TOP1MT: variants seen among roughly 807,000 people sequenced by gnomAD.
TOP1MT encodes the protein DNA topoisomerase I mitochondrial.
TOP1MT carries 80 observed loss-of-function variants against 73.9 expected under a neutral mutation model. The observed-to-expected ratio is 1.08, with a 90% CI of 0.90 to 1.30. The LOEUF (loss-of-function observed/expected upper bound fraction) is 1.30. TOP1MT is among the 50% of genes most tolerant of loss of function. The pLI is 0.00. For missense variants in TOP1MT, 815 were observed against 808.0 expected (o/e 1.01, Z -0.10); for synonymous variants, 338 against 326.4 (o/e 1.04, Z -0.38).
rs1438383845 is a variant in TOP1MT at position 143,321,632 on chromosome 8, A to G, written c.961-246T>C. On this transcript the variant is annotated intron_variant, in intron 7 of 13. Coordinates refer to ENST00000329245, the MANE Select transcript of TOP1MT (RefSeq NM_052963.3). ...CACGCACGCCACACGCACGCCACAC[A>G]CAGGCACGCCACACACAGGCACGCC... Among the ~76,000 whole-genome samples the G allele has an allele frequency of 4.1e-3, 153 of 36,906 alleles. 3 individuals are homozygous for G. Among genetic ancestry groups the G allele is most frequent in the Non-Finnish European group, 9.0e-3 (131 of 14,536 alleles). The allele number at this position is 36,906 out of a possible 152,430, so 24.2% of individuals were successfully genotyped here.
At chr8:143,323,731 CAT>C (rs1333856214) in intron 7 of TOP1MT, among the ~76,000 whole-genome samples, 1 of 92,346 alleles carries the variant, frequency 1.1e-5, no homozygotes, top group African/African-American at 3.3e-5. Context: ...GCCACACACA[CAT>C]GCACGCCACA....
intron 3 of TOP1MT, chr8:143,328,091 A>C (rs1816754131): frequency 2.7e-6 from 1 of 376,448 alleles, no homozygotes; most frequent in African/African-American, 2.1e-5. Flanking sequence ...CCTTCCAAAG[A>C]CATTGTTAAG....
At chr8:143,339,369 G>T (rs551124937), upstream of TOP1MT, among the ~76,000 whole-genome samples, 1 of 152,226 alleles carries the variant, frequency 6.6e-6, no homozygotes, top group East Asian at 1.9e-4. Context: ...TCGTGGCTGC[G>T]TACAGGACAC....
At chr8:143,332,057 T>TG (rs751710801) in intron 1 of TOP1MT, among the ~76,000 whole-genome samples, 7 of 77,260 alleles carry the variant, frequency 9.1e-5, no homozygotes, top group Middle Eastern at 0.013. Flanking sequence ...CTCTGGAGAT[T>TG]GGGGGGGTGT....
chr8:143,330,012 T>C (rs1379828134), intron 2 of TOP1MT, among the ~76,000 whole-genome samples: 1 of 152,140 alleles, frequency 6.6e-6, no homozygotes, highest in Non-Finnish European at 1.5e-5. Flanking sequence ...TCACCAGGAA[T>C]TCTTTCAACT....
upstream of TOP1MT, among the ~76,000 whole-genome samples, chr8:143,348,336 T>G (rs1413139676): frequency 6.6e-6 from 1 of 151,884 alleles, no homozygotes; most frequent in East Asian, 1.9e-4. The surrounding 1 kb of genome is among the most constrained non-coding windows in gnomAD (Gnocchi z 4.6). Flanking sequence ...ACAAGAGAAT[T>G]GATAGAAAAC....
chr8:143,337,892 T>C (rs951774141), upstream of TOP1MT, among the ~76,000 whole-genome samples: 2 of 152,174 alleles, frequency 1.3e-5, no homozygotes, highest in African/African-American at 4.8e-5. Context: ...TGAGGAAGCA[T>C]TGCGTAACTC....
Position 143,321,263 on chromosome 8 carries a change from C to G in TOP1MT, c.1084G>C (p.Glu362Gln). Residue 362 changes from glutamate to glutamine, a missense_variant, in exon 8 of 14, where the codon GAA becomes CAA. Glu to Gln is a conservative substitution (Grantham distance 29, BLOSUM62 2). Transcript: ENST00000329245. ...PEADGCQHVV[E>Q]FDFLGKDCIR... ...CAGTCCTTCCCCAGGAAGTCAAATTCCACCACGTGTTGGCAGCCATCGGCC... is the reference window on the plus strand; with the variant it reads ...CAGTCCTTCCCCAGGAAGTCAAATTGCACCACGTGTTGGCAGCCATCGGCC... The G allele has an allele frequency of 6.2e-7, 1 of 1,612,568 alleles. No individual in the cohort carries two copies. The highest frequency in any genetic ancestry group is 8.5e-7 in the Non-Finnish European group (1 of 1,179,194).
chr8:143,321,731 AGG>A (rs1816390365), intron 7 of TOP1MT, among the ~76,000 whole-genome samples: 1 of 122,322 alleles, frequency 8.2e-6, no homozygotes, highest in Admixed American at 8.4e-5. Context: ...CGCCACACAC[AGG>A]TACGCCACAC....
chr8:143,322,607 CACAT>C (rs1159277823), intron 7 of TOP1MT, among the ~76,000 whole-genome samples: 31 of 141,558 alleles, frequency 2.2e-4, no homozygotes, highest in South Asian at 9.0e-4. Context: ...GCAGGCCACA[CACAT>C]GCATGCCACA....
rs2450783 is a variant in TOP1MT at position 143,343,735 on chromosome 8, G to C, written c.-38-449C>G. ...AGAAACAAAACCCACATTGAACAGAGAGAGGAACAGACACTTCGCTTAAGT... is the reference window on the plus strand; with the variant it reads ...AGAAACAAAACCCACATTGAACAGACAGAGGAACAGACACTTCGCTTAAGT... On this transcript the variant is annotated intron_variant, in intron 1 of 5. Coordinates refer to the TOP1MT transcript ENST00000518007. The C allele has an allele frequency of 9.9e-3, 1,578 of 159,174 alleles. 23 individuals carry two copies. The highest frequency in any genetic ancestry group is 0.036 in the African/African-American group (1,486 of 41,748). 9.9% of individuals were successfully genotyped at this position (159,174 alleles called of 1,614,324 possible).
intron 12 of TOP1MT, 128 bp from the exon 13 acceptor site, chr8:143,310,345 C>T: frequency 1.4e-6 from 1 of 699,220 alleles, no homozygotes; most frequent in East Asian, 3.0e-5. Context: ...CATCAGTCAT[C>T]CATCACAGCA....
intron 3 of TOP1MT, chr8:143,327,863 G>C (rs1433799309): frequency 5.6e-6 from 2 of 354,432 alleles, no homozygotes; most frequent in Admixed American, 4.0e-5. Flanking sequence ...TGCAACACAC[G>C]AGCCTCGGCC....
chr8:143,338,375 C>A (rs541085486), upstream of TOP1MT, among the ~76,000 whole-genome samples: 43 of 152,192 alleles, frequency 2.8e-4, no homozygotes, highest in Non-Finnish European at 5.6e-4. Flanking sequence ...CAGGACCAGC[C>A]TGACCAACAT....
At chr8:143,321,503 ACACACACGCACTC>A (rs1210871185) in intron 7 of TOP1MT, 117 bp from the exon 8 acceptor site, 30 of 632,310 alleles carry the variant, frequency 4.7e-5, no homozygotes, top group East Asian at 7.2e-5. Flanking sequence ...CACGCACGCC[ACACACACGCACTC>A]CACACACGCA....
At position 143,321,404 on chromosome 8, in the gene TOP1MT, G is replaced by C; in HGVS notation, c.961-18C>G. ...AGTGCCAGCTAGTTGGTGGGGAATGGTCAAAGTGGGTGGTGCGTGCACACG... is the reference window on the plus strand; with the variant it reads ...AGTGCCAGCTAGTTGGTGGGGAATGCTCAAAGTGGGTGGTGCGTGCACACG... On this transcript the variant is annotated intron_variant, in intron 7 of 13. Transcript: ENST00000329245. The C allele has an allele frequency of 6.4e-7, 1 of 1,561,732 alleles. No individual in the cohort carries two copies. Among genetic ancestry groups the C allele is most frequent in the Non-Finnish European group, 8.7e-7 (1 of 1,147,992 alleles).
At position 143,325,614 on chromosome 8, in the gene TOP1MT, C is replaced by G. The variant is rs1816686701; in HGVS notation, c.484-81G>C. The G allele has an allele frequency of 3.7e-6, 5 of 1,342,914 alleles. No individual in the cohort carries two copies. In the South Asian group the frequency reaches 3.9e-5, roughly 11 times the overall value. The allele number at this position is 1,342,914 out of a possible 1,614,324, so 83.2% of individuals were successfully genotyped here. A position where few individuals can be genotyped will look rare whatever the true frequency, so the allele number is the denominator to read the frequency against. ...CAGTCCGTTGTTGCTAACCCGGGAC[C>G]ACCCTGCTCTGTCTGGCTAACTCAG... On this transcript the variant is annotated intron_variant, in intron 4 of 13. Coordinates refer to ENST00000329245, the MANE Select transcript of TOP1MT (RefSeq NM_052963.3).
chr8:143,357,552 G>A (rs183959057), upstream of TOP1MT, among the ~76,000 whole-genome samples: 2 of 152,308 alleles, frequency 1.3e-5, no homozygotes, highest in African/African-American at 2.4e-5. Flanking sequence ...GGAGGCTGAG[G>A]CAGGGACTGC....
chr8:143,321,943 C>CGCCACACACGCAT (rs1816422137), intron 7 of TOP1MT, among the ~76,000 whole-genome samples: 2 of 53,042 alleles, frequency 3.8e-5, no homozygotes, highest in East Asian at 1.9e-3. Flanking sequence ...CACACACGCA[C>CGCCACACACGCAT]GCCACACACG....
Sources: allele counts gnomAD v4.1 joint callset (sites outside exome capture counted in the v4.1 genomes callset), GRCh38; gene constraint gnomAD v4.1.1; non-coding constraint Gnocchi (gnomAD v3.1); transcripts MANE v1.5; gene names NCBI Gene and HGNC (gene_info 2026-07-23, HGNC 2026-07-21).